The following DERL1 variants were observed in gnomAD, a reference collection of about 807,000 sequenced individuals.
DERL1 encodes the protein derlin-1.
A neutral mutation model predicts 41.6 loss-of-function variants in DERL1; 24 were observed. The ratio of observed to expected loss-of-function variants is 0.58; its 90% CI spans 0.42 to 0.81. The LOEUF is 0.81. DERL1 is among the 30% of genes least tolerant of loss of function. The probability of loss-of-function intolerance (pLI) is 0.00; values close to 1 mark genes in which losing one functional copy is unlikely to be tolerated. For synonymous variants in DERL1, 124 were observed against 112.5 expected (o/e 1.10, Z -0.65); for missense variants, 260 against 314.3 (o/e 0.83, Z 1.31).
intron 1 of DERL1, among the ~76,000 whole-genome samples, chr8:123,039,475 C>T (rs1812998501): frequency 1.3e-5 from 2 of 152,240 alleles, no homozygotes; most frequent in Admixed American, 1.3e-4. Flanking sequence ...CTACAGCTGA[C>T]CCTGTGCCAG....
In DERL1 at chr8:123,030,676, C is replaced by T. The variant is rs780179797; in HGVS notation, c.194G>A (p.Gly65Asp). The change falls in exon 2 of 8, where the codon GGT becomes GAT. Residue 65 changes from glycine (G) to aspartate (D), a missense_variant. Coordinates refer to ENST00000259512, the MANE Select transcript of DERL1 (RefSeq NM_024295.6). ...CAAATAAAGAAATCCAGTTCCTGGA[C>T]CCACAGGGAAATAAAAGGTGGCAGT... ...PITATFYFPV[G>D]PGTGFLYLVN... is the part of the protein sequence containing the mutation. 1 of 1,612,480 alleles carries T rather than the reference C, an allele frequency of 6.2e-7. No homozygotes were observed. Among genetic ancestry groups the T allele is most frequent in the East Asian group, 2.2e-5 (1 of 44,810 alleles).
chr8:123,019,099 C>T lies in DERL1; in HGVS notation c.617+96G>A, dbSNP rs114484114. On this transcript the variant is annotated intron_variant, in intron 7 of 7. Coordinates refer to ENST00000259512, the MANE Select transcript of DERL1 (RefSeq NM_024295.6). ...CCTCAGGTTTCTCCAGCAGATGGGG[C>T]ATAGGGGTAAATCATACTCCTCATG... The T allele has an allele frequency of 4.7e-3, 3,903 of 827,710 alleles. 93 individuals are homozygous for T. The African/African-American group carries it at 0.059, about 12-fold the overall frequency. The allele number at this position is 827,710 out of a possible 1,614,324, so 51.3% of individuals were successfully genotyped here.
intron 6 of DERL1, among the ~76,000 whole-genome samples, chr8:123,020,055 C>T (rs1416617659): frequency 6.6e-6 from 1 of 152,252 alleles, no homozygotes; most frequent in East Asian, 1.9e-4. Flanking sequence ...AAACAGTCTG[C>T]TCCATCCATT....
In DERL1 at chr8:123,030,640, T is replaced by C. The variant is rs761546720; in HGVS notation, c.230A>G (p.Tyr77Cys). The C allele has an allele frequency of 4.3e-6, 7 of 1,610,892 alleles. No individual in the cohort carries two copies. The African/African-American group carries it at 9.4e-5, about 22-fold the overall frequency. The change falls in exon 2 of 8, where the codon TAT (tyrosine) becomes TGT (cysteine). Residue 77 changes from tyrosine (Y) to cysteine (C), a missense_variant. Physicochemically the swap from Tyr to Cys is radical, Grantham distance 194 (BLOSUM62 -2). Coordinates refer to ENST00000259512, the MANE Select transcript of DERL1 (RefSeq NM_024295.6). ...TCGCGTAGAATACTGATATAAGAAATATAAATTGACCAAATAAAGAAATCC... is the reference window on the plus strand; with the variant it reads ...TCGCGTAGAATACTGATATAAGAAACATAAATTGACCAAATAAAGAAATCC... ...GTGFLYLVNLYFLYQYSTRLE... is the reference protein window; with the variant it reads ...GTGFLYLVNLCFLYQYSTRLE...
chr8:123,022,714 A>G lies in DERL1; in HGVS notation c.423T>C (p.Ile141=). Residue 141 remains isoleucine, a synonymous_variant, in exon 5 of 8, where the codon ATT becomes ATC. Transcript: ENST00000259512. ...ATCGTGTTCCAAACCAAAATGATAC[A>G]ATCATGTCTCTGTTCAGCTGGGCCC... ...YVWAQLNRDM[I]VSFWFGTRFK... The G allele has an allele frequency of 6.2e-7, 1 of 1,614,164 alleles. No individual in the cohort carries two copies. The highest frequency in any genetic ancestry group is 2.2e-5 in the East Asian group (1 of 44,880).
rs1053168077 is a variant in DERL1 at position 123,015,350 on chromosome 8, T to A, written c.*97A>T. The A allele has an allele frequency of 2.1e-6, 3 of 1,447,768 alleles. No homozygotes were observed. The African/African-American group carries it at 4.2e-5, about 20-fold the overall frequency. 89.7% of individuals were successfully genotyped at this position (1,447,768 alleles called of 1,614,324 possible). On this transcript the variant is annotated 3_prime_UTR_variant, in exon 8 of 8. Transcript: ENST00000259512. ...ACTGAAAGACTACATTCAGTGTGGG[T>A]CAGGTCCAACAGTGTTAGCCAGAAC...
rs141463243 is a variant in DERL1, at chr8:123,022,746, A to G, written c.391T>C (p.Tyr131His). 6.2e-7 allele frequency: 1 copy of G among 1,614,186 alleles called. No individual in the cohort carries two copies. The highest frequency in any genetic ancestry group is 8.5e-7 in the Non-Finnish European group (1 of 1,180,018). ...TCTCTGTTCAGCTGGGCCCAGACAT[A>G]AAGTACTGACATGATCAGAGGAATC... ...LMIPLIMSVLYVWAQLNRDMI... is the reference protein window; with the variant it reads ...LMIPLIMSVLHVWAQLNRDMI... The change falls in exon 5 of 8, where the codon TAT becomes CAT. Residue 131 changes from tyrosine to histidine, a missense_variant. Transcript: ENST00000259512.
intron 3 of DERL1, among the ~76,000 whole-genome samples, chr8:123,024,273 T>C (rs757301675): frequency 3.3e-4 from 51 of 152,300 alleles, no homozygotes; most frequent in Non-Finnish European, 6.6e-4. Flanking sequence ...CAGGACTCTA[T>C]AGCATGGTTA....
intron 1 of DERL1, among the ~76,000 whole-genome samples, chr8:123,037,020 A>C (rs78946420): frequency 0.07 from 10,682 of 152,320 alleles, 368 homozygotes; most frequent in Middle Eastern, 0.095. Context: ...GCTTTTAAGA[A>C]GACAAAGCAG....
chr8:123,039,331 C>A (rs557118742), intron 1 of DERL1, among the ~76,000 whole-genome samples: 66 of 152,292 alleles, frequency 4.3e-4, no homozygotes, highest in African/African-American at 9.6e-4. Flanking sequence ...TCATAGTGCC[C>A]TCAAAATAAA....
intron 7 of DERL1, chr8:123,018,914 A>G: frequency 2.4e-6 from 1 of 416,622 alleles, no homozygotes; most frequent in Non-Finnish European, 4.3e-6. Flanking sequence ...CTGGAGTTGC[A>G]TCAGGTCCCT....
intron 3 of DERL1, 22 bp downstream of exon 3, chr8:123,024,964 A>C (rs886806026): frequency 1.2e-6 from 2 of 1,608,848 alleles, no homozygotes; most frequent in Non-Finnish European, 1.7e-6. Flanking sequence ...TTTCTGGCCC[A>C]AAATCACAGA....
intron 1 of DERL1, among the ~76,000 whole-genome samples, chr8:123,036,895 A>C (rs763872203): frequency 1.3e-5 from 2 of 152,196 alleles, no homozygotes; most frequent in Non-Finnish European, 2.9e-5. Context: ...TATAAGCAAA[A>C]GCTTGGCAAA....
chr8:123,016,169 G>A (rs536524439), intron 7 of DERL1: 2 of 152,288 alleles, frequency 1.3e-5, no homozygotes, highest in East Asian at 3.9e-4. Context: ...CAGATGGTGG[G>A]AGAGCTGGGG....
intron 1 of DERL1, among the ~76,000 whole-genome samples, chr8:123,039,639 C>G (rs1313340669): frequency 6.6e-6 from 1 of 152,202 alleles, no homozygotes; most frequent in Admixed American, 6.5e-5. Context: ...TTCTCTGAGG[C>G]CTTTCTGGGT....
chr8:123,041,896 T>TGCCA (rs1301966234), intron 1 of DERL1, 74 bp downstream of exon 1: 2 of 1,470,720 alleles, frequency 1.4e-6, no homozygotes, highest in African/African-American at 2.8e-5. Context: ...GCCCGCAACA[T>TGCCA]GCCAGCCTAC....
chr8:123,023,941 G>A (rs538708529), intron 3 of DERL1, among the ~76,000 whole-genome samples: 37 of 152,274 alleles, frequency 2.4e-4, no homozygotes, highest in African/African-American at 8.4e-4. Context: ...AACATAGCAA[G>A]ACCCCATCTC....
intron 3 of DERL1, 135 bp from the exon 4 acceptor site, chr8:123,023,874 T>C (rs2130468768): frequency 1.1e-6 from 1 of 921,004 alleles, no homozygotes; most frequent in East Asian, 3.1e-5. Context: ...TCTCTGTACT[T>C]TGGAAGGCCA....
chr8:123,033,880 A>G (rs999096400), intron 1 of DERL1, among the ~76,000 whole-genome samples: 2 of 152,232 alleles, frequency 1.3e-5, no homozygotes, highest in African/African-American at 4.8e-5. Context: ...TAGTGATTGA[A>G]GCAGATGGCC....
Sources: gnomAD v4.1 joint callset for allele counts (sites outside exome capture counted in the v4.1 genomes callset) on GRCh38, gnomAD v4.1.1 for gene constraint, MANE v1.5 for transcripts, NCBI Gene and HGNC (gene_info 2026-07-23, HGNC 2026-07-21) for gene names.